The following ZBTB41 variants were observed in gnomAD, a reference collection of about 807,000 sequenced individuals.
ZBTB41 encodes zinc finger and BTB domain containing 41, also known as zinc finger and BTB domain-containing protein 41.
ZBTB41 carries 42 observed loss-of-function variants against 87.6 expected under a neutral mutation model. That is an observed-to-expected ratio of 0.48 (90% CI 0.37 to 0.62). ZBTB41 has a LOEUF of 0.62. Ranked by LOEUF, ZBTB41 falls within the 20% of genes least tolerant of loss-of-function variation. The pLI is 0.00. For missense variants in ZBTB41, 799 were observed against 1,078.9 expected, an observed-to-expected ratio of 0.74 and a Z score of 3.63; for synonymous variants, 364 against 364.0, an observed-to-expected ratio of 1.00 and a Z score of 0.00.
At chr1:197,185,892 C>T (rs1659870303) in intron 5 of ZBTB41, among the ~76,000 whole-genome samples, 1 of 152,092 alleles carries the variant, frequency 6.6e-6, no homozygotes, top group African/African-American at 2.4e-5. Context: ...AAAGACTCAA[C>T]TTCACAACAT....
chr1:197,192,127 A>T (rs1003953490), intron 2 of ZBTB41, among the ~76,000 whole-genome samples: 7 of 146,120 alleles, frequency 4.8e-5, no homozygotes, highest in Admixed American at 4.7e-4. Context: ...TTGAGTCATT[A>T]AAAAAAAATA....
intron 10 of ZBTB41, among the ~76,000 whole-genome samples, chr1:197,169,941 A>C (rs567974792): frequency 6.6e-6 from 1 of 152,084 alleles, no homozygotes; most frequent in African/African-American, 2.4e-5. Context: ...AATTTATCTA[A>C]CTGTGTGGTT....
Position 197,188,291 on chromosome 1 carries a change from C to G in ZBTB41, c.1546+1G>C. On this transcript the variant is annotated splice_donor_variant, in intron 5 of 10. Coordinates refer to ENST00000367405, the MANE Select transcript of ZBTB41 (RefSeq NM_194314.3). LOFTEE classifies it high-confidence loss of function. ...GCCTTAAGAAAAAGTAACTTGCTTA[C>G]CCAGATGGAACTTTTCTTGATGCTT... The G allele has an allele frequency of 6.2e-7, 1 of 1,612,546 alleles. No homozygotes were observed. The highest frequency in any genetic ancestry group is 2.2e-5 in the East Asian group (1 of 44,788).
intron 10 of ZBTB41, among the ~76,000 whole-genome samples, chr1:197,160,702 A>G (rs1659181190): frequency 6.6e-6 from 1 of 152,172 alleles, no homozygotes; most frequent in Non-Finnish European, 1.5e-5. Context: ...GGTAGGCAGA[A>G]TGATGGCCTA....
Position 197,199,657 on chromosome 1 carries a change from T to G in ZBTB41, c.817A>C (p.Ser273Arg). 1 of 1,613,420 alleles carries G rather than the reference T, an allele frequency of 6.2e-7. No homozygotes were observed. The highest frequency in any genetic ancestry group is 8.5e-7 in the Non-Finnish European group (1 of 1,179,934). The stretch of plus-strand genomic sequence containing the variant: ...TTCAAATTGTCTGACCCATCACCAC[T>G]TTCCTGTTCATCATCGCTGGTGTCA... ...FDDTSDDEQE[S>R]GDGSDNLNQE... The change falls in exon 2 of 11, where the codon AGT (serine) becomes CGT (arginine). Residue 273 changes from serine (S) to arginine (R), a missense_variant. Transcript: ENST00000367405.
chr1:197,192,082 T>G (rs4915378), intron 2 of ZBTB41, among the ~76,000 whole-genome samples, 183 bp from the exon 3 acceptor site: 117,436 of 151,662 alleles, frequency 0.77, 48,829 homozygotes, highest in East Asian at 0.98. Flanking sequence ...TACTATTTTG[T>G]GCTTCCTGTT....
chr1:197,172,645 G>C (rs1659508892), intron 9 of ZBTB41, among the ~76,000 whole-genome samples: 1 of 152,038 alleles, frequency 6.6e-6, no homozygotes, highest in African/African-American at 2.4e-5. Context: ...GGACATGGCA[G>C]AAATTTTGTG....
At chr1:197,169,509 T>C (rs1014308266) in intron 10 of ZBTB41, among the ~76,000 whole-genome samples, 1 of 152,026 alleles carries the variant, frequency 6.6e-6, no homozygotes, top group Non-Finnish European at 1.5e-5. Context: ...AAATTAATTT[T>C]TGGTGCTATT....
In ZBTB41 at chr1:197,198,526, C is replaced by T. The variant is rs555905512; in HGVS notation, c.1120+828G>A. On this transcript the variant is annotated intron_variant, in intron 2 of 10. Coordinates refer to ENST00000367405, the MANE Select transcript of ZBTB41 (RefSeq NM_194314.3). ...ATTATATGTGGTAGAATATATTTCA[C>T]AATTTCATAACTTCAATTTACCTGG... is the stretch of plus-strand genomic sequence containing the variant. Among the ~76,000 whole-genome samples the T allele has an allele frequency of 3.9e-4, 60 of 152,224 alleles. 1 individual carries two copies. The highest frequency in any genetic ancestry group is 3.4e-3 in the Middle Eastern group (1 of 294).
chr1:197,201,034 C>T (rs1652774944), intron 1 of ZBTB41, among the ~76,000 whole-genome samples, 189 bp downstream of exon 1: 1 of 152,190 alleles, frequency 6.6e-6, no homozygotes, highest in Non-Finnish European at 1.5e-5. Context: ...CGTCCCTCAG[C>T]CAAAGCCACC....
chr1:197,167,475 G>A (rs1016279473), intron 10 of ZBTB41, among the ~76,000 whole-genome samples: 1 of 152,050 alleles, frequency 6.6e-6, no homozygotes, highest in Non-Finnish European at 1.5e-5. Flanking sequence ...GATTACAGGG[G>A]TTTGTGAGCC....
chr1:197,159,999 T>C lies in ZBTB41; in HGVS notation c.2090A>G (p.Lys697Arg), dbSNP rs560208549. 23 of 1,611,978 alleles carry C rather than the reference T, an allele frequency of 1.4e-5. No homozygotes were observed. The highest frequency in any genetic ancestry group is 3.3e-4 in the Middle Eastern group (2 of 6,054). ...FRTHSGEKPY[K>R]CQICNQSFRI... The stretch of plus-strand genomic sequence containing the variant: ...AAAAGACTGATTGCAAATTTGACAC[T>C]TGTATGGTTTTTCACCTATATGAAT... Residue 697 changes from lysine to arginine, a missense_variant, in exon 11 of 11, where the codon AAG becomes AGG. Transcript: ENST00000367405.
intron 10 of ZBTB41, among the ~76,000 whole-genome samples, chr1:197,161,820 C>A (rs1017559897): frequency 1.3e-5 from 2 of 151,876 alleles, no homozygotes; most frequent in African/African-American, 4.8e-5. Context: ...GGCATCAATA[C>A]TTGTCATGCA....
At chr1:197,195,281 T>C (rs1364075843) in intron 2 of ZBTB41, among the ~76,000 whole-genome samples, 1 of 152,224 alleles carries the variant, frequency 6.6e-6, no homozygotes, top group South Asian at 2.1e-4. Context: ...ATATGAATCA[T>C]GTCTCAAATC....
At chr1:197,183,133 T>C (rs1659797132) in intron 5 of ZBTB41, among the ~76,000 whole-genome samples, 1 of 152,176 alleles carries the variant, frequency 6.6e-6, no homozygotes, top group African/African-American at 2.4e-5. Context: ...ATTTGGTTTA[T>C]TAATAATAGT....
At position 197,156,821 on chromosome 1, in the gene ZBTB41, TA is replaced by T. The variant is rs201808029; in HGVS notation, c.*2537del. 174 of 152,312 alleles carry T rather than the reference TA, an allele frequency of 1.1e-3. 2 individuals carry two copies. In the East Asian group the frequency reaches 0.024, roughly 21 times the overall value. 9.4% of individuals were successfully genotyped at this position (152,312 alleles called of 1,614,324 possible). A position where few individuals can be genotyped will look rare whatever the true frequency, so the allele number is the denominator to read the frequency against. On this transcript the variant is annotated 3_prime_UTR_variant, in exon 11 of 11. Transcript: ENST00000367405. Reference sequence around the variant, plus strand: ...CGCATCTCCCAGACTAGGTTAAGATTAAATGACAGGATGTAGTACCTGGCAC... The same window carrying T: ...CGCATCTCCCAGACTAGGTTAAGATTAATGACAGGATGTAGTACCTGGCAC...
At chr1:197,178,189 C>A (rs986579753) in intron 7 of ZBTB41, among the ~76,000 whole-genome samples, 1 of 151,560 alleles carries the variant, frequency 6.6e-6, no homozygotes, top group African/African-American at 2.4e-5. Context: ...CTTAGTAAAG[C>A]CTTCTGCAAA....
chr1:197,195,379 T>C (rs1660138389), intron 2 of ZBTB41, among the ~76,000 whole-genome samples: 1 of 152,186 alleles, frequency 6.6e-6, no homozygotes, highest in African/African-American at 2.4e-5. Flanking sequence ...AAATTACCAA[T>C]GTTAGATTTT....
chr1:197,198,589 C>G (rs895119914), intron 2 of ZBTB41, among the ~76,000 whole-genome samples: 2 of 152,102 alleles, frequency 1.3e-5, no homozygotes, highest in African/African-American at 4.8e-5. Context: ...TACATTAGAA[C>G]AGTTCATCTC....
Sources: gnomAD v4.1 joint callset for allele counts (sites outside exome capture counted in the v4.1 genomes callset) on GRCh38, gnomAD v4.1.1 for gene constraint, MANE v1.5 for transcripts, NCBI Gene and HGNC (gene_info 2026-07-23, HGNC 2026-07-21) for gene names.